Variants in NPAS3 observed in about 807,000 individuals in gnomAD.
NPAS3 encodes neuronal PAS domain-containing protein 3.
NPAS3 carries 14 observed loss-of-function variants against 73.1 expected under a neutral mutation model. The ratio of observed to expected loss-of-function variants is 0.19; its 90% CI spans 0.13 to 0.30. The LOEUF (loss-of-function observed/expected upper bound fraction) is 0.30. NPAS3 is among the 10% of genes least tolerant of loss of function. The probability of loss-of-function intolerance (pLI) is 1.00; values close to 1 mark genes in which losing one functional copy is unlikely to be tolerated. For missense variants in NPAS3, 1,096 were observed against 1,250.0 expected, an observed-to-expected ratio of 0.88 and a Z score of 1.86; for synonymous variants, 620 against 541.5, an observed-to-expected ratio of 1.14 and a Z score of -2.01.
At chr14:33,464,970 T>G (rs12879171) in intron 4 of NPAS3, among the ~76,000 whole-genome samples, 1 of 152,194 alleles carries the variant, frequency 6.6e-6, no homozygotes, top group Non-Finnish European at 1.5e-5. Flanking sequence ...ATTATCATCA[T>G]GCCATGATGA....
chr14:33,525,300 A>G (rs1486705404), intron 4 of NPAS3, among the ~76,000 whole-genome samples: 2 of 152,206 alleles, frequency 1.3e-5, no homozygotes, highest in Non-Finnish European at 2.9e-5. Context: ...AAACAAAATC[A>G]GAAGTTAGGC....
intron 2 of NPAS3, among the ~76,000 whole-genome samples, chr14:33,089,347 T>C (rs4982048): frequency 0.061 from 9,212 of 152,206 alleles, 386 homozygotes; most frequent in Admixed American, 0.092. Flanking sequence ...AACTATGTGA[T>C]GAATGCACAA....
chr14:33,332,501 G>A (rs1407685829), intron 3 of NPAS3, among the ~76,000 whole-genome samples: 1 of 152,158 alleles, frequency 6.6e-6, no homozygotes, highest in African/African-American at 2.4e-5. Context: ...TGTGTTAGAT[G>A]TTTCAACCAT....
At chr14:33,605,390 A>C (rs2057524588) in intron 5 of NPAS3, among the ~76,000 whole-genome samples, 1 of 39,946 alleles carries the variant, frequency 2.5e-5, no homozygotes, top group African/African-American at 1.3e-4. Flanking sequence ...AAGGCATTCA[A>C]ATTAAAAAAA....
chr14:33,557,371 A>T (rs1174375705), intron 4 of NPAS3, among the ~76,000 whole-genome samples: 1 of 152,176 alleles, frequency 6.6e-6, no homozygotes, highest in East Asian at 1.9e-4. Context: ...TTGCCATCCT[A>T]CTTCCCCTCT....
chr14:33,784,721 T>TTTATTTATTTA (rs2063089229), intron 9 of NPAS3, among the ~76,000 whole-genome samples: 7 of 104,066 alleles, frequency 6.7e-5, no homozygotes, highest in Admixed American at 5.4e-4. Context: ...TTATTGTTAT[T>TTTATTTATTTA]TTTATTTATT....
chr14:33,292,291 T>C (rs1052694319), intron 3 of NPAS3, among the ~76,000 whole-genome samples: 3 of 152,148 alleles, frequency 2.0e-5, no homozygotes, highest in African/African-American at 7.2e-5. Context: ...CAGGATATCA[T>C]GGTCCCTCAT....
intron 4 of NPAS3, among the ~76,000 whole-genome samples, chr14:33,547,580 A>G (rs146225358): frequency 1.2e-3 from 188 of 152,354 alleles, no homozygotes; most frequent in African/African-American, 3.9e-3. Context: ...CCCTGCAGCC[A>G]TCAGCCCCTC....
chr14:33,381,128 C>G (rs192561535), intron 4 of NPAS3, among the ~76,000 whole-genome samples: 1 of 151,832 alleles, frequency 6.6e-6, no homozygotes, highest in Admixed American at 6.6e-5. Context: ...TTAAATTATA[C>G]TTTTAGAATT....
chr14:33,534,468 C>G (rs1322551653), intron 4 of NPAS3, among the ~76,000 whole-genome samples: 1 of 152,114 alleles, frequency 6.6e-6, no homozygotes. Context: ...ACTATAGAAA[C>G]ACGTGAGGAA....
At chr14:33,313,215 T>A (rs1351552143) in intron 3 of NPAS3, among the ~76,000 whole-genome samples, 1 of 152,054 alleles carries the variant, frequency 6.6e-6, no homozygotes, top group Non-Finnish European at 1.5e-5. Context: ...GTCAAAATAG[T>A]CATTCTCATC....
chr14:33,784,733 A>ATT lies in NPAS3; in HGVS notation c.1153+6163_1153+6164dup, dbSNP rs1361050440. 5.7e-4 allele frequency among the ~76,000 whole-genome samples: 45 copies of ATT among 78,274 alleles called. 2 individuals are homozygous for ATT. The highest frequency in any genetic ancestry group is 2.0e-3 in the African/African-American group (29 of 14,580). 51.4% of individuals were successfully genotyped at this position (78,274 alleles called of 152,430 possible). ...TTTTTATTGTTATTTTTATTTATTT[A>ATT]TTTATTTATTTATTTTTTTTTTTTT... is the stretch of plus-strand genomic sequence containing the variant. On this transcript the variant is annotated intron_variant, in intron 9 of 11. Transcript: ENST00000356141.
chr14:33,326,525 C>T (rs1425602995), intron 3 of NPAS3, among the ~76,000 whole-genome samples: 1 of 152,160 alleles, frequency 6.6e-6, no homozygotes, highest in Non-Finnish European at 1.5e-5. Flanking sequence ...CTTTTTAAAT[C>T]TCCCAAGCTT....
At chr14:33,545,558 G>A (rs371480183) in intron 4 of NPAS3, among the ~76,000 whole-genome samples, 7 of 152,288 alleles carry the variant, frequency 4.6e-5, no homozygotes, top group South Asian at 2.1e-4. Flanking sequence ...TTCAAAGCTC[G>A]TGTGTCCTTT....
At chr14:33,239,684 C>T (rs557944530) in intron 3 of NPAS3, among the ~76,000 whole-genome samples, 131 of 151,906 alleles carry the variant, frequency 8.6e-4, no homozygotes, top group African/African-American at 2.9e-3. Flanking sequence ...CATAACCTAT[C>T]GTTTTTAACA....
intron 1 of NPAS3, among the ~76,000 whole-genome samples, chr14:33,025,175 C>T (rs2039757504): frequency 6.6e-6 from 1 of 152,168 alleles, no homozygotes; most frequent in Admixed American, 6.5e-5. Flanking sequence ...AAGTAGAAGG[C>T]AGCTGGCTTA....
intron 2 of NPAS3, among the ~76,000 whole-genome samples, chr14:33,144,781 G>A (rs755067552): frequency 2.0e-5 from 3 of 151,980 alleles, no homozygotes; most frequent in Non-Finnish European, 2.9e-5. Context: ...TTGTAGAGAT[G>A]GGGAGTCTTG....
chr14:33,375,724 A>T (rs1240553746), intron 4 of NPAS3, among the ~76,000 whole-genome samples: 1 of 152,214 alleles, frequency 6.6e-6, no homozygotes, highest in African/African-American at 2.4e-5. Context: ...GGCATTTAGG[A>T]AAATGTTTTT....
chr14:33,544,912 T>A (rs1453183986), intron 4 of NPAS3, among the ~76,000 whole-genome samples: 2 of 146,538 alleles, frequency 1.4e-5, no homozygotes, highest in Non-Finnish European at 3.0e-5. Context: ...TGTATATAGA[T>A]CCTAGAATAG....
Sources: allele counts gnomAD v4.1 joint callset (sites outside exome capture counted in the v4.1 genomes callset), GRCh38; gene constraint gnomAD v4.1.1; transcripts MANE v1.5; gene names NCBI Gene and HGNC (gene_info 2026-07-23, HGNC 2026-07-21).